Variants in FAT3 observed in about 807,000 individuals in gnomAD.
FAT3 encodes the protein FAT atypical cadherin 3.
FAT3 carries 95 observed loss-of-function variants against 310.2 expected under a neutral mutation model. That is an observed-to-expected ratio of 0.31 (90% CI 0.26 to 0.36). FAT3 has a LOEUF of 0.36. Ranked by LOEUF, FAT3 falls within the 10% of genes least tolerant of loss-of-function variation. The pLI is 1.00. For synonymous variants in FAT3, 2,314 were observed against 2,192.9 expected, an observed-to-expected ratio of 1.06 and a Z score of -1.54; for missense variants, 5,408 against 5,715.6, an observed-to-expected ratio of 0.95 and a Z score of 1.74.
At chr11:92,316,950 A>T (rs914064938) in intron 1 of FAT3, among the ~76,000 whole-genome samples, 2 of 152,186 alleles carry the variant, frequency 1.3e-5, no homozygotes, top group South Asian at 4.1e-4. Context: ...CCAATCATGG[A>T]ACATATTGGC....
At chr11:92,238,859 T>C (rs1448614974) in intron 1 of FAT3, among the ~76,000 whole-genome samples, 2 of 152,120 alleles carry the variant, frequency 1.3e-5, no homozygotes, top group Non-Finnish European at 2.9e-5. Flanking sequence ...AACTTCCTGC[T>C]GGTCAGTTGG....
chr11:92,466,737 C>T (rs1205091029), intron 2 of FAT3, among the ~76,000 whole-genome samples: 13 of 106,442 alleles, frequency 1.2e-4, no homozygotes, highest in Non-Finnish European at 2.2e-4. Flanking sequence ...CCCCCCTCCC[C>T]CCACCCCACA....
chr11:92,281,758 A>G (rs1946429055), intron 1 of FAT3, among the ~76,000 whole-genome samples: 1 of 152,132 alleles, frequency 6.6e-6, no homozygotes, highest in Non-Finnish European at 1.5e-5. Context: ...ACTGCATGAG[A>G]ACATTAGACC....
intron 1 of FAT3, among the ~76,000 whole-genome samples, chr11:92,297,882 T>C (rs1946892030): frequency 6.6e-6 from 1 of 152,114 alleles, no homozygotes; most frequent in Admixed American, 6.6e-5. Flanking sequence ...GTGGCAACTC[T>C]TGTTTTATTT....
intron 3 of FAT3, among the ~76,000 whole-genome samples, chr11:92,676,664 G>C (rs969795301): frequency 5.9e-5 from 9 of 152,112 alleles, no homozygotes; most frequent in African/African-American, 2.2e-4. Flanking sequence ...GAGAAGAAGT[G>C]GATCTTAGTC....
At chr11:92,822,106 T>C (rs1394424642) in intron 13 of FAT3, among the ~76,000 whole-genome samples, 4 of 152,194 alleles carry the variant, frequency 2.6e-5, no homozygotes, top group African/African-American at 9.6e-5. Flanking sequence ...ATTACCCTTT[T>C]AAACATCCAG....
intron 6 of FAT3, among the ~76,000 whole-genome samples, chr11:92,767,492 T>C (rs1447698207): frequency 6.6e-6 from 1 of 152,080 alleles, no homozygotes; most frequent in Non-Finnish European, 1.5e-5. Context: ...CTACCACCCA[T>C]GTGCCCTGGG....
At chr11:92,507,540 CA>C (rs1217832142) in intron 2 of FAT3, among the ~76,000 whole-genome samples, 3 of 151,360 alleles carry the variant, frequency 2.0e-5, no homozygotes. Context: ...TACACACATA[CA>C]TATATAGGGT....
chr11:92,353,133 T>C lies in FAT3; in HGVS notation c.1021T>C (p.Tyr341His), dbSNP rs879183659. Residue 341 changes from tyrosine (Y) to histidine (H), a missense_variant, in exon 2 of 28, where the codon TAC becomes CAC. Physicochemically the swap from Tyr to His is moderately conservative, Grantham distance 83. Coordinates refer to ENST00000525166, the MANE Select transcript of FAT3 (RefSeq NM_001367949.2). ...QIDWESFPYG[Y>H]NLTLQAKDKG... Reference sequence around the variant, plus strand: ...TGACTGGGAGAGCTTTCCCTATGGCTACAATCTCACTCTTCAAGCAAAAGA... The same window carrying C: ...TGACTGGGAGAGCTTTCCCTATGGCCACAATCTCACTCTTCAAGCAAAAGA... 1 of 1,613,654 alleles carries C rather than the reference T, an allele frequency of 6.2e-7. No homozygotes were observed. The highest frequency in any genetic ancestry group is 8.5e-7 in the Non-Finnish European group (1 of 1,179,858).
intron 1 of FAT3, among the ~76,000 whole-genome samples, chr11:92,293,140 G>T (rs1233659156): frequency 6.6e-6 from 1 of 151,686 alleles, no homozygotes; most frequent in South Asian, 2.1e-4. Flanking sequence ...AGTGATAGAG[G>T]ACAACAACAA....
intron 3 of FAT3, among the ~76,000 whole-genome samples, chr11:92,654,311 T>C (rs149801676): frequency 1.7e-3 from 252 of 152,298 alleles, no homozygotes; most frequent in African/African-American, 5.7e-3. Flanking sequence ...ACATGGATGA[T>C]TCACCAAAAT....
At chr11:92,335,544 A>G (rs1948047203) in intron 1 of FAT3, among the ~76,000 whole-genome samples, 1 of 152,188 alleles carries the variant, frequency 6.6e-6, no homozygotes, top group Non-Finnish European at 1.5e-5. Context: ...TATATAAAAA[A>G]CCTTAAAAGT....
In FAT3 at chr11:92,812,521, G is replaced by A. The variant is rs183946177; in HGVS notation, c.9481+2445G>A. Among the ~76,000 whole-genome samples, 13 of 151,512 alleles carry A rather than the reference G, an allele frequency of 8.6e-5. No homozygotes were observed. The East Asian group carries it at 1.2e-3, about 14-fold the overall frequency. ...TGCTTGAACCCGGGAGGCGGAGGTT[G>A]CAGTGAGCCAATATTGTGCCAGTGC... On this transcript the variant is annotated intron_variant, in intron 13 of 27. Coordinates refer to ENST00000525166, the MANE Select transcript of FAT3 (RefSeq NM_001367949.2).
intron 7 of FAT3, 77 bp downstream of exon 7, chr11:92,774,257 A>T: frequency 7.0e-7 from 1 of 1,418,610 alleles, no homozygotes; most frequent in East Asian, 2.4e-5. Context: ...TGAAAAAAAA[A>T]TGTAATGGAA....
chr11:92,401,936 C>A (rs1459222431), intron 2 of FAT3, among the ~76,000 whole-genome samples: 1 of 152,148 alleles, frequency 6.6e-6, no homozygotes, highest in East Asian at 1.9e-4. Context: ...TGGCTTTCAA[C>A]AAAAATTTAC....
chr11:92,668,539 T>G (rs997372626), intron 3 of FAT3, among the ~76,000 whole-genome samples: 1 of 152,188 alleles, frequency 6.6e-6, no homozygotes, highest in Non-Finnish European at 1.5e-5. Context: ...CTCACAAATA[T>G]GGGCTTGTAT....
At chr11:92,390,416 C>G (rs1949723196) in intron 2 of FAT3, among the ~76,000 whole-genome samples, 1 of 152,128 alleles carries the variant, frequency 6.6e-6, no homozygotes, top group African/African-American at 2.4e-5. Context: ...GGGCACCCAG[C>G]CTAAACCTAT....
At chr11:92,737,806 G>C (rs1050656716) in intron 4 of FAT3, among the ~76,000 whole-genome samples, 3 of 151,838 alleles carry the variant, frequency 2.0e-5, no homozygotes, top group Non-Finnish European at 4.4e-5. Flanking sequence ...TGGATCCCAG[G>C]AGCCATACAG....
chr11:92,350,632 T>A (rs1948539537), intron 1 of FAT3, among the ~76,000 whole-genome samples: 1 of 152,174 alleles, frequency 6.6e-6, no homozygotes, highest in African/African-American at 2.4e-5. Context: ...CTTTACTACT[T>A]GCCGGCTGGG....
Sources: allele counts gnomAD v4.1 joint callset (sites outside exome capture counted in the v4.1 genomes callset), GRCh38; gene constraint gnomAD v4.1.1; transcripts MANE v1.5; gene names NCBI Gene and HGNC (gene_info 2026-07-23, HGNC 2026-07-21).